Variants in COL26A1 observed in about 807,000 individuals in gnomAD.
The protein encoded by COL26A1 is collagen type XXVI alpha 1 chain.
COL26A1 carries 41 observed loss-of-function variants against 59.3 expected under a neutral mutation model. The observed-to-expected ratio is 0.69, with a 90% CI of 0.54 to 0.90. COL26A1 has a LOEUF of 0.90. COL26A1 is among the 40% of genes least tolerant of loss of function. The pLI is 0.00. For synonymous variants in COL26A1, 266 were observed against 256.0 expected, an observed-to-expected ratio of 1.04 and a Z score of -0.37; for missense variants, 612 against 602.3, an observed-to-expected ratio of 1.02 and a Z score of -0.17.
intron 1 of COL26A1, among the ~76,000 whole-genome samples, chr7:101,400,589 G>A (rs913280637): frequency 2.7e-5 from 4 of 150,416 alleles, no homozygotes; most frequent in East Asian, 2.0e-4. Context: ...ATGGAGTTTC[G>A]CTCTTGTTGC....
chr7:101,468,669 C>T (rs115916964), intron 3 of COL26A1, among the ~76,000 whole-genome samples: 2 of 152,310 alleles, frequency 1.3e-5, no homozygotes, highest in African/African-American at 2.4e-5. Flanking sequence ...GTAGCATGTT[C>T]GGTGGTTAAA....
intron 3 of COL26A1, among the ~76,000 whole-genome samples, chr7:101,504,383 G>A (rs1400339106): frequency 6.6e-6 from 1 of 152,178 alleles, no homozygotes; most frequent in Non-Finnish European, 1.5e-5. Context: ...TTACAGGCAT[G>A]AGCCACGGTG....
At chr7:101,422,284 C>T (rs541651356) in intron 2 of COL26A1, among the ~76,000 whole-genome samples, 190 of 139,330 alleles carry the variant, frequency 1.4e-3, no homozygotes, top group African/African-American at 5.1e-3. Flanking sequence ...GCACTCCAGC[C>T]TGGGCAACAA....
At chr7:101,439,637 G>T (rs1222980748) in intron 2 of COL26A1, among the ~76,000 whole-genome samples, 1 of 151,004 alleles carries the variant, frequency 6.6e-6, no homozygotes, top group Non-Finnish European at 1.5e-5. Flanking sequence ...AGTCACCTGC[G>T]AGGCCAGGGA....
chr7:101,387,778 A>ATATATATATT lies in COL26A1; in HGVS notation c.158+24589_158+24590insATATATATTT, dbSNP rs773025730. ...TTTATATATATATATATATATATATATTTTTTTTTAAGACAGAGTCTCACT... is the reference window on the plus strand; with the variant it reads ...TTTATATATATATATATATATATATATATATATATTTTTTTTTTTAAGACAGAGTCTCACT... On this transcript the variant is annotated intron_variant, in intron 1 of 12. Coordinates refer to ENST00000313669, the MANE Select transcript of COL26A1 (RefSeq NM_001278563.3). Among the ~76,000 whole-genome samples the ATATATATATT allele has an allele frequency of 5.9e-5, 5 of 84,836 alleles. 1 individual carries two copies. Among genetic ancestry groups the ATATATATATT allele is most frequent in the African/African-American group, 2.5e-4 (5 of 20,104 alleles). The allele number at this position is 84,836 out of a possible 152,430, so 55.7% of individuals were successfully genotyped here.
intron 3 of COL26A1, among the ~76,000 whole-genome samples, chr7:101,510,718 C>T (rs922470019): frequency 2.0e-5 from 3 of 151,682 alleles, no homozygotes; most frequent in Admixed American, 1.3e-4. Context: ...GGGGGTCTCA[C>T]GATGTTGTCC....
intron 3 of COL26A1, among the ~76,000 whole-genome samples, chr7:101,451,710 T>C (rs1450581778): frequency 1.3e-5 from 2 of 148,462 alleles, no homozygotes; most frequent in African/African-American, 2.5e-5. Flanking sequence ...TTTGCATCTT[T>C]TTTTTTTTTT....
chr7:101,446,531 T>G (rs1240320050), intron 2 of COL26A1, among the ~76,000 whole-genome samples: 1 of 152,044 alleles, frequency 6.6e-6, no homozygotes, highest in East Asian at 1.9e-4. Context: ...CACAGCTGAT[T>G]TATCAAGACA....
rs767261413 is a variant in COL26A1 at position 101,551,177 on chromosome 7, C to T, written c.1029+34C>T. ...GGGCTGTGCAGATGGGCCTGGGCCA[C>T]TCCCAGGCAGAGGCTCTGATGCAAG... On this transcript the variant is annotated intron_variant, in intron 10 of 12. Coordinates refer to ENST00000313669, the MANE Select transcript of COL26A1 (RefSeq NM_001278563.3). 2.6e-6 allele frequency: 4 copies of T among 1,543,828 alleles called. No homozygotes were observed. The South Asian group carries it at 4.8e-5, about 18-fold the overall frequency.
intron 1 of COL26A1, among the ~76,000 whole-genome samples, chr7:101,396,710 C>A (rs138430244): frequency 6.6e-6 from 1 of 152,094 alleles, no homozygotes; most frequent in Non-Finnish European, 1.5e-5. Flanking sequence ...GATCCACCCA[C>A]CTCGGCCTCC....
At chr7:101,413,384 T>G (rs1792289693) in intron 1 of COL26A1, among the ~76,000 whole-genome samples, 1 of 151,988 alleles carries the variant, frequency 6.6e-6, no homozygotes, top group African/African-American at 2.4e-5. Context: ...CCGGGTATGG[T>G]GGCGGGTGAC....
At chr7:101,533,890 G>A (rs80050780) in intron 4 of COL26A1, among the ~76,000 whole-genome samples, 17,318 of 152,268 alleles carry the variant, frequency 0.11, 1,211 homozygotes, top group Middle Eastern at 0.22. Context: ...GCCAGCTCCT[G>A]TGGCTGGAGA....
At chr7:101,475,766 C>CTCTT (rs754290439) in intron 3 of COL26A1, among the ~76,000 whole-genome samples, 195 of 120,162 alleles carry the variant, frequency 1.6e-3, no homozygotes, top group Non-Finnish European at 2.5e-3. Flanking sequence ...TTCTTTCTTT[C>CTCTT]TCTTTCTTTC....
chr7:101,362,832 C>T (rs1169282446), upstream of COL26A1: 1 of 563,340 alleles, frequency 1.8e-6, no homozygotes, highest in Non-Finnish European at 3.1e-6. Context: ...GCTTAGAGCC[C>T]ACCTCGCCGA....
chr7:101,426,218 GGT>G (rs1792644309), intron 2 of COL26A1, among the ~76,000 whole-genome samples: 1 of 152,118 alleles, frequency 6.6e-6, no homozygotes, highest in South Asian at 2.1e-4. Context: ...GCAGAGCCTG[GGT>G]GGGAGGAACT....
At chr7:101,396,346 C>T (rs898225718) in intron 1 of COL26A1, among the ~76,000 whole-genome samples, 15 of 152,172 alleles carry the variant, frequency 9.9e-5, no homozygotes, top group African/African-American at 3.6e-4. Context: ...CATAGCATGG[C>T]ACTTAAGGCC....
At chr7:101,432,208 C>T (rs1014747623) in intron 2 of COL26A1, among the ~76,000 whole-genome samples, 3 of 152,034 alleles carry the variant, frequency 2.0e-5, no homozygotes, top group Admixed American at 6.6e-5. Flanking sequence ...GTGATCCACC[C>T]GCTTCAGCTT....
At chr7:101,373,910 A>G (rs1166606981) in intron 1 of COL26A1, among the ~76,000 whole-genome samples, 1 of 152,228 alleles carries the variant, frequency 6.6e-6, no homozygotes, top group East Asian at 1.9e-4. Flanking sequence ...TATGGCAATA[A>G]GAGCACTCCT....
At chr7:101,486,366 A>G (rs1218173551) in intron 3 of COL26A1, among the ~76,000 whole-genome samples, 2 of 152,126 alleles carry the variant, frequency 1.3e-5, no homozygotes, top group Non-Finnish European at 2.9e-5. Context: ...GTCATACCCC[A>G]TAGGGAGCTC....
Sources: allele counts gnomAD v4.1 joint callset (sites outside exome capture counted in the v4.1 genomes callset), GRCh38; gene constraint gnomAD v4.1.1; transcripts MANE v1.5; gene names NCBI Gene and HGNC (gene_info 2026-07-23, HGNC 2026-07-21).